Variants in FMN1 observed in about 807,000 individuals in gnomAD.
FMN1 encodes formin 1, also known as formin-1.
FMN1 carries 110 observed loss-of-function variants against 132.4 expected under a neutral mutation model. That is an observed-to-expected ratio of 0.83 (90% CI 0.71 to 0.97). The LOEUF (loss-of-function observed/expected upper bound fraction) is 0.97, where lower values mean the gene tolerates loss of function less well. Ranked by LOEUF, FMN1 falls within the 50% of genes least tolerant of loss-of-function variation. The pLI is 0.00. For synonymous variants in FMN1, 722 were observed against 651.7 expected (o/e 1.11, Z -1.64); for missense variants, 1,792 against 1,705.3 (o/e 1.05, Z -0.90).
intron 19 of FMN1, among the ~76,000 whole-genome samples, chr15:32,792,314 A>G (rs545133163): frequency 9.3e-5 from 14 of 150,714 alleles, no homozygotes; most frequent in East Asian, 3.9e-4. Flanking sequence ...GCGTGGTGGC[A>G]GACGCCTGTA....
intron 4 of FMN1, among the ~76,000 whole-genome samples, chr15:33,113,207 T>TG (rs2039779562): frequency 6.6e-6 from 1 of 152,176 alleles, no homozygotes; most frequent in Non-Finnish European, 1.5e-5. Flanking sequence ...GTTAGGGGGT[T>TG]GCTCACTTTC....
At chr15:33,110,279 G>A (rs971313234) in intron 4 of FMN1, among the ~76,000 whole-genome samples, 2 of 151,972 alleles carry the variant, frequency 1.3e-5, no homozygotes, top group Non-Finnish European at 2.9e-5. Context: ...TCTCTTTGCA[G>A]AATTGTTCAC....
At chr15:32,875,740 T>C (rs1369651178) in intron 16 of FMN1, among the ~76,000 whole-genome samples, 3 of 152,238 alleles carry the variant, frequency 2.0e-5, no homozygotes, top group Non-Finnish European at 4.4e-5. Context: ...TCTCTGTGGA[T>C]TGTGAATCTT....
intron 4 of FMN1, among the ~76,000 whole-genome samples, chr15:33,094,026 G>C (rs1217902432): frequency 1.3e-5 from 2 of 152,088 alleles, no homozygotes; most frequent in Non-Finnish European, 2.9e-5. Context: ...TAAAATCTAA[G>C]TTCTTTATGC....
chr15:32,962,215 T>C (rs1370090843), intron 9 of FMN1, among the ~76,000 whole-genome samples: 1 of 152,156 alleles, frequency 6.6e-6, no homozygotes, highest in Non-Finnish European at 1.5e-5. Context: ...GGAAATGTTT[T>C]ACATCTATGC....
At chr15:32,869,894 G>A (rs534106517) in intron 16 of FMN1, among the ~76,000 whole-genome samples, 2 of 152,300 alleles carry the variant, frequency 1.3e-5, no homozygotes, top group Admixed American at 6.5e-5. Context: ...AGCAGTTCCA[G>A]GGAAGTTGGG....
chr15:32,991,793 G>A (rs1374707477), intron 7 of FMN1, among the ~76,000 whole-genome samples: 1 of 152,168 alleles, frequency 6.6e-6, no homozygotes, highest in African/African-American at 2.4e-5. Flanking sequence ...ACAATGTGGA[G>A]GCAGTGGCCC....
intron 15 of FMN1, among the ~76,000 whole-genome samples, chr15:32,893,339 C>CT (rs765404048): frequency 2.6e-5 from 4 of 152,216 alleles, no homozygotes; most frequent in Non-Finnish European, 4.4e-5. Context: ...TTTTCCAAAA[C>CT]TTTATCAGAT....
intron 17 of FMN1, among the ~76,000 whole-genome samples, chr15:32,815,787 G>A (rs964180174): frequency 1.3e-5 from 2 of 152,176 alleles, no homozygotes; most frequent in Admixed American, 1.3e-4. Context: ...TGGTAATGAT[G>A]GTGATGAACA....
chr15:32,775,764 C>A (rs1326758727), intron 20 of FMN1, among the ~76,000 whole-genome samples: 1 of 152,178 alleles, frequency 6.6e-6, no homozygotes, highest in African/African-American at 2.4e-5. Flanking sequence ...GGTCAATCAA[C>A]AGAAATAATC....
intron 6 of FMN1, among the ~76,000 whole-genome samples, chr15:33,017,494 A>T (rs953086807): frequency 6.6e-6 from 1 of 152,162 alleles, no homozygotes; most frequent in Non-Finnish European, 1.5e-5. Flanking sequence ...TTTTTCAAAA[A>T]AGAAGTGAAT....
chr15:33,055,130 A>T (rs1008740942), intron 6 of FMN1, among the ~76,000 whole-genome samples: 1 of 152,156 alleles, frequency 6.6e-6, no homozygotes, highest in Non-Finnish European at 1.5e-5. Flanking sequence ...TCTGATAAAC[A>T]TCTATAATCT....
chr15:33,003,059 G>A (rs1467103632), intron 7 of FMN1, among the ~76,000 whole-genome samples: 3 of 152,148 alleles, frequency 2.0e-5, no homozygotes, highest in Non-Finnish European at 2.9e-5. Context: ...TTGATGGGAC[G>A]TATCTCAAAA....
chr15:32,872,339 A>C (rs1567304377), intron 16 of FMN1, among the ~76,000 whole-genome samples: 1 of 152,240 alleles, frequency 6.6e-6, no homozygotes, highest in Non-Finnish European at 1.5e-5. Flanking sequence ...GTACTTCAAG[A>C]AGCATACAGG....
chr15:33,040,554 A>G (rs2036385482), intron 6 of FMN1, among the ~76,000 whole-genome samples: 1 of 152,250 alleles, frequency 6.6e-6, no homozygotes. Context: ...AACAGCACCA[A>G]TGAATTAGAC....
chr15:33,037,738 A>G (rs1352644368), intron 6 of FMN1, among the ~76,000 whole-genome samples: 1 of 152,230 alleles, frequency 6.6e-6, no homozygotes, highest in African/African-American at 2.4e-5. Context: ...ACATTGTCAC[A>G]GGTGATTCGG....
intron 16 of FMN1, among the ~76,000 whole-genome samples, chr15:32,887,943 G>A (rs555598663): frequency 2.6e-5 from 4 of 152,142 alleles, no homozygotes; most frequent in Middle Eastern, 3.4e-3. Flanking sequence ...TAGATATAAC[G>A]AGATATGGAT....
rs34382108 is a variant in FMN1 at position 32,887,984 on chromosome 15, GAGA to G, written c.3835+185_3835+187del. Among the ~76,000 whole-genome samples the G allele has an allele frequency of 0.047, 7,192 of 152,160 alleles. 218 individuals are homozygous for G. Among genetic ancestry groups the G allele is most frequent in the Non-Finnish European group, 0.07 (4,778 of 67,984 alleles). On this transcript the variant is annotated intron_variant, in intron 16 of 20. Coordinates refer to ENST00000616417, the MANE Select transcript of FMN1 (RefSeq NM_001277313.2). ...AAACAAATGATCAACACTAATAAAA[GAGA>G]AGAATTTGAAAATACAGTGCCTCTA... is the stretch of plus-strand genomic sequence containing the variant.
intron 4 of FMN1, among the ~76,000 whole-genome samples, chr15:33,133,393 T>C (rs943473150): frequency 6.6e-6 from 1 of 152,146 alleles, no homozygotes; most frequent in African/African-American, 2.4e-5. Context: ...TCTCACAATA[T>C]GAACACAGAT....
Sources: allele counts gnomAD v4.1 joint callset (sites outside exome capture counted in the v4.1 genomes callset), GRCh38; gene constraint gnomAD v4.1.1; transcripts MANE v1.5; gene names NCBI Gene and HGNC (gene_info 2026-07-23, HGNC 2026-07-21).